CYREN: variants seen among roughly 807,000 people sequenced by gnomAD.
CYREN encodes the protein cell cycle regulator of NHEJ, also known as cell cycle regulator of non-homologous end joining.
Under a neutral mutation model 9.7 loss-of-function variants are expected in CYREN, and 7 were observed. The observed-to-expected ratio is 0.72, with a 90% CI of 0.41 to 1.36. CYREN has a LOEUF of 1.36. CYREN is among the 40% of genes most tolerant of loss of function. The pLI is 0.01. For missense variants in CYREN, 215 were observed against 198.1 expected, an observed-to-expected ratio of 1.09 and a Z score of -0.51; for synonymous variants, 76 against 77.9, an observed-to-expected ratio of 0.98 and a Z score of 0.13.
exon 3 of CYREN, chr7:135,093,212 G>T (rs920211708): frequency 6.6e-6 from 1 of 151,196 alleles, no homozygotes; most frequent in African/African-American, 2.4e-5. Flanking sequence ...AAAAAAAAAG[G>T]CATCCAAATT....
chr7:135,138,769 A>C (rs1408511285), intron 2 of CYREN, among the ~76,000 whole-genome samples: 2 of 151,850 alleles, frequency 1.3e-5, no homozygotes, highest in South Asian at 4.1e-4. Context: ...AGTAGGCCCT[A>C]GTGTCTATTG....
At chr7:135,147,913 G>T (rs1829579902) in intron 2 of CYREN, 1 of 455,732 alleles carries the variant, frequency 2.2e-6, no homozygotes, top group South Asian at 1.5e-5. Context: ...AAATCAGTTG[G>T]TTTGCCGGCT....
At chr7:135,102,768 A>T (rs1160660402) in intron 2 of CYREN, among the ~76,000 whole-genome samples, 1 of 152,100 alleles carries the variant, frequency 6.6e-6, no homozygotes. Context: ...GCAAAAAAAA[A>T]TTAACTCAAA....
intron 2 of CYREN, among the ~76,000 whole-genome samples, chr7:135,131,586 A>G (rs930790079): frequency 2.0e-5 from 3 of 152,118 alleles, no homozygotes; most frequent in Non-Finnish European, 4.4e-5. Context: ...AACTAACTGC[A>G]TATGCTAAAA....
At chr7:135,167,896 CT>C (rs761534842) in intron 2 of CYREN, 89 bp from the exon 3 acceptor site, 38 of 1,589,794 alleles carry the variant, frequency 2.4e-5, no homozygotes, top group Non-Finnish European at 3.2e-5. Flanking sequence ...CCTCTTCCCC[CT>C]GCCTTCCTAC....
At chr7:135,131,762 G>T (rs1164150041) in intron 2 of CYREN, among the ~76,000 whole-genome samples, 1 of 151,936 alleles carries the variant, frequency 6.6e-6, no homozygotes, top group Non-Finnish European at 1.5e-5. Context: ...GAAACAACTG[G>T]TTGTTTGAAC....
At chr7:135,122,068 G>A (rs907047275) in intron 2 of CYREN, among the ~76,000 whole-genome samples, 1 of 152,202 alleles carries the variant, frequency 6.6e-6, no homozygotes, top group South Asian at 2.1e-4. Flanking sequence ...TGCTGTCTAA[G>A]CCGTTTGAGT....
chr7:135,150,937 A>G (rs143712224), intron 2 of CYREN, among the ~76,000 whole-genome samples: 1 of 152,298 alleles, frequency 6.6e-6, no homozygotes, highest in East Asian at 1.9e-4. Flanking sequence ...ACTTTTTGTA[A>G]TCTTTGTTCC....
chr7:135,130,327 A>T (rs948529623), intron 2 of CYREN, among the ~76,000 whole-genome samples: 3 of 152,304 alleles, frequency 2.0e-5, no homozygotes, highest in African/African-American at 7.2e-5. Context: ...CACAAACGCT[A>T]TGGGGCACTT....
intron 2 of CYREN, among the ~76,000 whole-genome samples, chr7:135,107,211 C>G (rs1824864955): frequency 6.6e-6 from 1 of 151,966 alleles, no homozygotes; most frequent in African/African-American, 2.4e-5. Flanking sequence ...GTCTCAGTCT[C>G]CTCCACTTCA....
intron 2 of CYREN, chr7:135,128,921 C>T: frequency 6.6e-7 from 1 of 1,517,150 alleles, no homozygotes. Context: ...GTAATTTGTT[C>T]CTGTGCAATA....
chr7:135,131,119 T>C (rs1273019068), intron 2 of CYREN, among the ~76,000 whole-genome samples: 1 of 152,104 alleles, frequency 6.6e-6, no homozygotes, highest in Non-Finnish European at 1.5e-5. Flanking sequence ...TTAAAAATCA[T>C]CTTGTAATTA....
chr7:135,109,425 T>TC (rs1825276082), intron 2 of CYREN, among the ~76,000 whole-genome samples: 1 of 150,808 alleles, frequency 6.6e-6, no homozygotes, highest in South Asian at 2.1e-4. Context: ...AGACTCAGAC[T>TC]GGGAGGACAT....
At chr7:135,113,737 C>T (rs1169980035) in intron 2 of CYREN, among the ~76,000 whole-genome samples, 3 of 152,170 alleles carry the variant, frequency 2.0e-5, no homozygotes, top group Non-Finnish European at 2.9e-5. Flanking sequence ...TAAGTACAGT[C>T]GCATTGTGGT....
At chr7:135,113,068 C>A (rs1825864287) in intron 2 of CYREN, among the ~76,000 whole-genome samples, 1 of 152,212 alleles carries the variant, frequency 6.6e-6, no homozygotes, top group Non-Finnish European at 1.5e-5. Context: ...TGAGCTACCA[C>A]ACCCGGCCTA....
At chr7:135,140,691 G>A (rs1334185649) in intron 2 of CYREN, among the ~76,000 whole-genome samples, 1 of 152,104 alleles carries the variant, frequency 6.6e-6, no homozygotes, top group Non-Finnish European at 1.5e-5. Flanking sequence ...GCTGTTGGCT[G>A]TAGGTTTATC....
chr7:135,153,251 C>G (rs141392060), intron 2 of CYREN: 1 of 152,042 alleles, frequency 6.6e-6, no homozygotes, highest in African/African-American at 2.4e-5. Context: ...ATCAGGAGAT[C>G]GAGACCATCC....
chr7:135,163,906 A>G (rs908362155), downstream of CYREN, among the ~76,000 whole-genome samples: 4 of 152,338 alleles, frequency 2.6e-5, no homozygotes, highest in South Asian at 4.1e-4. Context: ...CCCGAAGCAC[A>G]TAAGTTGAGC....
intron 2 of CYREN, among the ~76,000 whole-genome samples, chr7:135,096,592 G>GATAGATAGATAC (rs1563260221): frequency 9.1e-5 from 13 of 143,354 alleles, no homozygotes; most frequent in East Asian, 2.0e-4. Flanking sequence ...TACATAGATA[G>GATAGATAGATAC]ATAGATAGAT....
Sources: gnomAD v4.1 joint callset for allele counts (sites outside exome capture counted in the v4.1 genomes callset) on GRCh38, gnomAD v4.1.1 for gene constraint, MANE v1.5 for transcripts, NCBI Gene and HGNC (gene_info 2026-07-23, HGNC 2026-07-21) for gene names.